USP42: variants seen among roughly 807,000 people sequenced by gnomAD.
USP42 encodes the protein ubiquitin specific peptidase 42, also known as ubiquitin carboxyl-terminal hydrolase 42.
A neutral mutation model predicts 113.0 loss-of-function variants in USP42; 23 were observed. That is an observed-to-expected ratio of 0.20 (90% CI 0.15 to 0.29). USP42 has a LOEUF of 0.29. Ranked by LOEUF, USP42 falls within the 10% of genes least tolerant of loss-of-function variation. The pLI is 1.00. For synonymous variants in USP42, 933 were observed against 699.0 expected (o/e 1.33, Z -5.28); for missense variants, 2,174 against 1,779.8 (o/e 1.22, Z -3.99).
chr7:6,135,180 G>A (rs1160725558), intron 3 of USP42, among the ~76,000 whole-genome samples: 1 of 152,150 alleles, frequency 6.6e-6, no homozygotes, highest in African/African-American at 2.4e-5. Context: ...TGCTTTTCCT[G>A]TATAGAGAGT....
chr7:6,160,018 T>C (rs1040824424), intron 17 of USP42, among the ~76,000 whole-genome samples: 5 of 152,230 alleles, frequency 3.3e-5, no homozygotes, highest in Admixed American at 1.3e-4. Context: ...GATCAGGACC[T>C]CGGAGCTGTG....
chr7:6,131,764 C>G (rs1052713788), intron 3 of USP42, among the ~76,000 whole-genome samples: 1 of 152,058 alleles, frequency 6.6e-6, no homozygotes, highest in Non-Finnish European at 1.5e-5. Context: ...TAGCATGTCT[C>G]TTTCTCTTTC....
At chr7:6,155,729 A>C (rs569992777) in intron 15 of USP42, among the ~76,000 whole-genome samples, 1 of 152,228 alleles carries the variant, frequency 6.6e-6, no homozygotes, top group East Asian at 1.9e-4. Flanking sequence ...CCATTTTTCA[A>C]CTTGAAATCC....
At chr7:6,145,696 A>C in intron 10 of USP42, 40 bp downstream of exon 10, 2 of 1,590,530 alleles carry the variant, frequency 1.3e-6, no homozygotes, top group African/African-American at 1.3e-5. Context: ...TGTTACATAC[A>C]TGCTATAAGA....
In USP42 at chr7:6,154,343, C is replaced by A; in HGVS notation, c.2789C>A (p.Pro930Gln). The A allele has an allele frequency of 6.4e-7, 1 of 1,571,970 alleles. No homozygotes were observed. The highest frequency in any genetic ancestry group is 1.2e-5 in the South Asian group (1 of 86,156). The change falls in exon 15 of 18, where the codon CCG becomes CAG. Residue 930 changes from proline (P) to glutamine (Q), a missense_variant. Physicochemically the swap from Pro to Gln is moderately conservative, Grantham distance 76 (BLOSUM62 -1). Coordinates refer to ENST00000306177, the MANE Select transcript of USP42 (RefSeq NM_032172.3). ...PGERVEDAAAPKAPGPSPAKE... is the reference protein window; with the variant it reads ...PGERVEDAAAQKAPGPSPAKE... The stretch of plus-strand genomic sequence containing the variant: ...GAGAGGGTCGAGGACGCCGCGGCGC[C>A]GAAAGCCCCAGGCCCTTCCCCAGCG...
At chr7:6,148,763 T>A (rs1781863470) in intron 12 of USP42, among the ~76,000 whole-genome samples, 1 of 152,198 alleles carries the variant, frequency 6.6e-6, no homozygotes, top group African/African-American at 2.4e-5. Context: ...CTGCATGCTT[T>A]ATTTTATGGA....
chr7:6,123,951 C>G (rs746672727), intron 3 of USP42, among the ~76,000 whole-genome samples: 2 of 151,698 alleles, frequency 1.3e-5, no homozygotes, highest in Middle Eastern at 3.2e-3. Context: ...TCTTGGCTCA[C>G]TGGAAACTCT....
intron 1 of USP42, among the ~76,000 whole-genome samples, chr7:6,106,355 A>G (rs985783174): frequency 2.6e-5 from 4 of 152,226 alleles, no homozygotes; most frequent in Non-Finnish European, 4.4e-5. Flanking sequence ...ACGTGCTAAT[A>G]TTATTACCTC....
At chr7:6,141,201 C>CTTTTTTTT (rs903124477) in intron 7 of USP42, among the ~76,000 whole-genome samples, 12 of 123,992 alleles carry the variant, frequency 9.7e-5, no homozygotes, top group Non-Finnish European at 1.4e-4. Flanking sequence ...TTTTTCTTTT[C>CTTTTTTTT]TTTTTTTTTT....
chr7:6,153,268 G>A (rs1468550182), intron 14 of USP42, among the ~76,000 whole-genome samples: 1 of 146,690 alleles, frequency 6.8e-6, no homozygotes, highest in Non-Finnish European at 1.5e-5. Context: ...GTGGGACTCT[G>A]TCCTTCAAAA....
At chr7:6,143,230 G>A (rs142795414) in intron 8 of USP42, among the ~76,000 whole-genome samples, 320 of 152,306 alleles carry the variant, frequency 2.1e-3, no homozygotes, top group African/African-American at 6.5e-3. Context: ...AAAGCCTGGG[G>A]CATGACATTA....
At chr7:6,124,902 C>T (rs6965578) in intron 3 of USP42, among the ~76,000 whole-genome samples, 20,438 of 151,914 alleles carry the variant, frequency 0.13, 1,569 homozygotes, top group African/African-American at 0.2. Flanking sequence ...CTTCTCAGGC[C>T]GGTGCCAGTG....
In USP42 at chr7:6,147,812, G is replaced by A. The variant is rs868109542; in HGVS notation, c.1306G>A (p.Val436Ile). Residue 436 changes from valine (V) to isoleucine (I), a missense_variant, in exon 12 of 18, where the codon GTC becomes ATC. Physicochemically the swap from Val to Ile is conservative, Grantham distance 29. Transcript: ENST00000306177. ...HSPGQSSPRP[V>I]ISQRVVTNKQ... Reference sequence around the variant, plus strand: ...CCCCGGCCAGTCCTCTCCCCGCCCCGTCATCAGTCAGCGGGTTGTCACCAA... The same window carrying A: ...CCCCGGCCAGTCCTCTCCCCGCCCCATCATCAGTCAGCGGGTTGTCACCAA... 9 of 1,613,514 alleles carry A rather than the reference G, an allele frequency of 5.6e-6. No homozygotes were observed. Among genetic ancestry groups the A allele is most frequent in the Middle Eastern group, 1.6e-4 (1 of 6,062 alleles).
the USP42 span, among the ~76,000 whole-genome samples, chr7:6,098,443 A>C: frequency 1.3e-5 from 2 of 149,830 alleles, no homozygotes; most frequent in Non-Finnish European, 3.0e-5. Context: ...CAGTTCCTTC[A>C]ATTTTTGATT....
chr7:6,106,981 T>C (rs1426991379), intron 1 of USP42, among the ~76,000 whole-genome samples: 3 of 152,258 alleles, frequency 2.0e-5, no homozygotes, highest in Non-Finnish European at 4.4e-5. Context: ...GTGAGGAACA[T>C]GCAAGTATAT....
intron 11 of USP42, among the ~76,000 whole-genome samples, chr7:6,146,662 C>A (rs1412159897): frequency 6.7e-6 from 1 of 150,308 alleles, no homozygotes; most frequent in Non-Finnish European, 1.5e-5. Flanking sequence ...AAGACTGTCT[C>A]AAAAAAAAAC....
intron 3 of USP42, among the ~76,000 whole-genome samples, chr7:6,125,183 CAAAAAA>C (rs56776147): frequency 1.7e-3 from 67 of 38,756 alleles, no homozygotes; most frequent in African/African-American, 5.6e-3. Flanking sequence ...TCTGTCTCAA[CAAAAAA>C]AAAAAAAAAA....
At chr7:6,112,850 G>C (rs1263859237) in intron 2 of USP42, among the ~76,000 whole-genome samples, 2 of 151,288 alleles carry the variant, frequency 1.3e-5, no homozygotes, top group Non-Finnish European at 2.9e-5. Flanking sequence ...ACACCCCCTG[G>C]CTTCGAGTAG....
At position 6,156,432 on chromosome 7, in the gene USP42, C is replaced by A. The variant is rs529190453; in HGVS notation, c.3642-322C>A. ...GTGAATTTATGGCCCTGGACTGAAA[C>A]AGTCATTACAGTGAAGGCAAACTTG... On this transcript the variant is annotated intron_variant, in intron 15 of 17. Transcript: ENST00000306177. Among the ~76,000 whole-genome samples the A allele has an allele frequency of 6.6e-5, 10 of 152,280 alleles. No homozygotes were observed. The South Asian group carries it at 2.1e-3, about 32-fold the overall frequency.
Sources: allele counts gnomAD v4.1 joint callset (sites outside exome capture counted in the v4.1 genomes callset), GRCh38; gene constraint gnomAD v4.1.1; transcripts MANE v1.5; gene names NCBI Gene and HGNC (gene_info 2026-07-23, HGNC 2026-07-21).